Variants in CDH13 observed in about 807,000 individuals in gnomAD.
CDH13 encodes cadherin-13.
CDH13 carries 24 observed loss-of-function variants against 63.8 expected under a neutral mutation model. That is an observed-to-expected ratio of 0.38 (90% confidence interval 0.27 to 0.53). CDH13 has a LOEUF of 0.53. Among genes scored for constraint, CDH13 ranks in the 20% least tolerant of loss-of-function variants. CDH13 has a pLI of 0.85. For synonymous variants in CDH13, 503 were observed against 355.3 expected (o/e 1.42, Z -4.67); for missense variants, 1,049 against 903.1 (o/e 1.16, Z -2.07).
intron 6 of CDH13, among the ~76,000 whole-genome samples, chr16:83,483,022 A>C (rs2073807680): frequency 6.6e-6 from 1 of 152,180 alleles, no homozygotes; most frequent in Non-Finnish European, 1.5e-5. Flanking sequence ...CCAAGTTCTG[A>C]AAATAGGTCA....
chr16:82,661,813 C>A (rs560788764), intron 1 of CDH13, among the ~76,000 whole-genome samples: 2 of 152,342 alleles, frequency 1.3e-5, no homozygotes, highest in East Asian at 3.9e-4. Flanking sequence ...TGTGTCACAT[C>A]AGACTATGTA....
intron 6 of CDH13, among the ~76,000 whole-genome samples, chr16:83,357,314 T>C (rs1424077597): frequency 3.3e-5 from 5 of 152,202 alleles, no homozygotes; most frequent in African/African-American, 1.2e-4. Flanking sequence ...ATGACTTGAA[T>C]AGTAACATGT....
Position 83,166,529 on chromosome 16 carries a change from G to A in CDH13, c.483+41028G>A, listed in dbSNP as rs2037679616. 3.3e-5 allele frequency among the ~76,000 whole-genome samples: 5 copies of A among 152,094 alleles called. 1 individual carries two copies. In the South Asian group the frequency reaches 1.0e-3, roughly 32 times the overall value. ...AGAAACATATGAACTTCAAGAAAAT[G>A]TGAGGAACACAGACTTTCTGAGCCA... On this transcript the variant is annotated intron_variant, in intron 4 of 13. Transcript: ENST00000567109.
At chr16:83,261,329 A>T (rs1204762769) in intron 5 of CDH13, among the ~76,000 whole-genome samples, 1 of 152,188 alleles carries the variant, frequency 6.6e-6, no homozygotes, top group Admixed American at 6.5e-5. Flanking sequence ...TCGATAAGCC[A>T]GCTGTTCTCA....
At chr16:83,458,841 T>TTTCA (rs1389285826) in intron 6 of CDH13, among the ~76,000 whole-genome samples, 1 of 152,220 alleles carries the variant, frequency 6.6e-6, no homozygotes, top group African/African-American at 2.4e-5. Flanking sequence ...TCAACCCAAG[T>TTTCA]CTGATGAGAT....
intron 5 of CDH13, among the ~76,000 whole-genome samples, chr16:83,277,117 A>G (rs1024267901): frequency 6.6e-6 from 1 of 152,198 alleles, no homozygotes; most frequent in African/African-American, 2.4e-5. Flanking sequence ...CTACCACAAT[A>G]CCTGTTACAA....
At chr16:83,222,570 A>G (rs985150034) in intron 5 of CDH13, among the ~76,000 whole-genome samples, 1 of 152,098 alleles carries the variant, frequency 6.6e-6, no homozygotes, top group Non-Finnish European at 1.5e-5. Context: ...CCTTGATGGG[A>G]TTGTACTACA....
intron 1 of CDH13, among the ~76,000 whole-genome samples, chr16:82,813,072 C>T (rs997135286): frequency 6.6e-6 from 1 of 152,122 alleles, no homozygotes; most frequent in Admixed American, 6.5e-5. Flanking sequence ...TTATTGCCCC[C>T]CATCTTAGAG....
intron 4 of CDH13, among the ~76,000 whole-genome samples, chr16:83,142,407 G>A (rs936034963): frequency 2.6e-5 from 4 of 151,938 alleles, no homozygotes; most frequent in African/African-American, 9.7e-5. Flanking sequence ...GGACCCACCT[G>A]GGCCTCCCAA....
intron 10 of CDH13, among the ~76,000 whole-genome samples, chr16:83,703,177 C>T (rs1367579654): frequency 2.0e-5 from 3 of 152,194 alleles, no homozygotes; most frequent in Non-Finnish European, 4.4e-5. Context: ...TGGAAATTGG[C>T]ATAAACTTTC....
At chr16:82,839,148 CAG>C (rs1257629988) in intron 1 of CDH13, among the ~76,000 whole-genome samples, 1 of 152,190 alleles carries the variant, frequency 6.6e-6, no homozygotes, top group Non-Finnish European at 1.5e-5. Flanking sequence ...GACAAGAACT[CAG>C]AGGGAGAGAG....
At chr16:83,067,338 A>T (rs973758870) in intron 3 of CDH13, among the ~76,000 whole-genome samples, 4 of 152,196 alleles carry the variant, frequency 2.6e-5, no homozygotes, top group African/African-American at 9.6e-5. Context: ...GTCTACTACC[A>T]TGCAGAACTA....
intron 2 of CDH13, among the ~76,000 whole-genome samples, chr16:83,023,841 T>A (rs1915566265): frequency 6.6e-6 from 1 of 152,200 alleles, no homozygotes; most frequent in African/African-American, 2.4e-5. Context: ...GGTGAGAATG[T>A]AGAGTCTGTT....
chr16:82,828,125 C>A (rs958187326), intron 1 of CDH13, among the ~76,000 whole-genome samples: 11 of 152,144 alleles, frequency 7.2e-5, no homozygotes, highest in African/African-American at 2.4e-4. Context: ...GATTAGACAG[C>A]TTTCTATGAG....
At chr16:83,097,975 C>T (rs529841153) in intron 3 of CDH13, among the ~76,000 whole-genome samples, 3 of 152,064 alleles carry the variant, frequency 2.0e-5, no homozygotes, top group South Asian at 4.2e-4. Flanking sequence ...TTTTATAATG[C>T]CTAGTCAAGA....
chr16:82,758,921 C>CCATATG (rs1158375793), intron 1 of CDH13, among the ~76,000 whole-genome samples: 4 of 152,198 alleles, frequency 2.6e-5, no homozygotes, highest in Admixed American at 2.6e-4. Flanking sequence ...CTTAAATACA[C>CCATATG]GTAACAGCTA....
At chr16:83,224,040 C>T (rs1225590754) in intron 5 of CDH13, among the ~76,000 whole-genome samples, 1 of 152,162 alleles carries the variant, frequency 6.6e-6, no homozygotes, top group Admixed American at 6.5e-5. Context: ...ATTCTTTTGC[C>T]TTTGCATCCT....
chr16:83,523,065 AC>A (rs1460773092), intron 7 of CDH13, among the ~76,000 whole-genome samples: 1 of 152,004 alleles, frequency 6.6e-6, no homozygotes, highest in Non-Finnish European at 1.5e-5. Context: ...GCATTTCTGG[AC>A]CCCCGGCCTC....
intron 1 of CDH13, among the ~76,000 whole-genome samples, chr16:82,798,160 A>T (rs1224094377): frequency 6.6e-6 from 1 of 152,198 alleles, no homozygotes; most frequent in Non-Finnish European, 1.5e-5. Context: ...TCTACCGGAA[A>T]CCAGGTTGCT....
Sources: gnomAD v4.1 joint callset for allele counts (sites outside exome capture counted in the v4.1 genomes callset) on GRCh38, gnomAD v4.1.1 for gene constraint, MANE v1.5 for transcripts, NCBI Gene and HGNC (gene_info 2026-07-23, HGNC 2026-07-21) for gene names.